The following NWD1 variants were observed in gnomAD, a reference collection of about 807,000 sequenced individuals.
NWD1 encodes NACHT domain- and WD repeat-containing protein 1.
A neutral mutation model predicts 135.1 loss-of-function variants in NWD1; 129 were observed. That is an observed-to-expected ratio of 0.96 (90% confidence interval 0.83 to 1.11). NWD1 has a LOEUF of 1.11. Among genes scored for constraint, NWD1 ranks in the 50% least tolerant of loss-of-function variants. The pLI, the probability that NWD1 is intolerant of heterozygous loss-of-function variation, is 0.00. For synonymous variants in NWD1, 773 were observed against 786.0 expected (o/e 0.98, Z 0.28); for missense variants, 1,740 against 1,851.3 (o/e 0.94, Z 1.10).
rs149612847 is a variant in NWD1 at position 16,728,220 on chromosome 19, G to A, written c.-6-2972G>A. Among the ~76,000 whole-genome samples the A allele has an allele frequency of 3.9e-3, 587 of 151,590 alleles. 7 individuals carry two copies. Among genetic ancestry groups the A allele is most frequent in the African/African-American group, 9.8e-3 (406 of 41,362 alleles). On this transcript the variant is annotated intron_variant, in intron 2 of 18. Coordinates refer to ENST00000524140, the MANE Select transcript of NWD1 (RefSeq NM_001007525.5). Reference sequence around the variant, plus strand: ...CGGAAATTGGCAGAAAATACAAATCGGATTTAAAAAAATTTGTTTTGGAGA... The same window carrying A: ...CGGAAATTGGCAGAAAATACAAATCAGATTTAAAAAAATTTGTTTTGGAGA...
At chr19:16,726,853 T>C (rs574090465) in intron 2 of NWD1, among the ~76,000 whole-genome samples, 1 of 152,354 alleles carries the variant, frequency 6.6e-6, no homozygotes, top group East Asian at 1.9e-4. Flanking sequence ...TCCACCCACG[T>C]GATGCCAGTA....
chr19:16,782,536 A>G (rs1969892655), intron 12 of NWD1, among the ~76,000 whole-genome samples: 1 of 152,122 alleles, frequency 6.6e-6, no homozygotes, highest in South Asian at 2.1e-4. Flanking sequence ...AATTTCTATT[A>G]GAGATGACAT....
intron 17 of NWD1, among the ~76,000 whole-genome samples, chr19:16,805,524 G>T (rs954050946): frequency 1.3e-5 from 2 of 151,992 alleles, no homozygotes; most frequent in Admixed American, 1.3e-4. Context: ...AGAGGCAGGG[G>T]TCTCACTCTT....
chr19:16,735,866 G>A (rs149616726), intron 3 of NWD1, among the ~76,000 whole-genome samples: 78 of 28,606 alleles, frequency 2.7e-3, no homozygotes, highest in East Asian at 5.9e-3. Context: ...AGGAAGGAAG[G>A]AGGAAGGAAG....
chr19:16,781,831 G>A (rs548904238), intron 12 of NWD1, among the ~76,000 whole-genome samples: 1 of 152,112 alleles, frequency 6.6e-6, no homozygotes, highest in African/African-American at 2.4e-5. Flanking sequence ...AGTGGCTCAC[G>A]CTTGTAATCT....
chr19:16,735,664 A>T (rs1036077436), intron 3 of NWD1, among the ~76,000 whole-genome samples: 2 of 151,684 alleles, frequency 1.3e-5, no homozygotes. Flanking sequence ...CCTTATCTCT[A>T]CTAAAAATAC....
intron 3 of NWD1, among the ~76,000 whole-genome samples, chr19:16,734,930 T>G (rs760015785): frequency 2.6e-5 from 4 of 152,064 alleles, no homozygotes; most frequent in Non-Finnish European, 4.4e-5. Flanking sequence ...TTTTTATTTC[T>G]TAATTTTTAT....
At chr19:16,742,148 G>A (rs577286512) in intron 4 of NWD1, among the ~76,000 whole-genome samples, 1 of 152,058 alleles carries the variant, frequency 6.6e-6, no homozygotes, top group East Asian at 1.9e-4. Context: ...GCTGAAGCAG[G>A]CGGATCACCT....
Position 16,749,779 on chromosome 19 carries a change from C to T in NWD1, c.1137C>T (p.Ser379=), listed in dbSNP as rs369248613. The T allele has an allele frequency of 1.1e-4, 184 of 1,606,324 alleles. No individual in the cohort carries two copies. Among genetic ancestry groups the T allele is most frequent in the Non-Finnish European group, 1.5e-4 (175 of 1,175,880 alleles). ...VLRLLGTSQM[S]SDARGLLKSI... ...GGCTGCTGGGGACGTCACAAATGAG[C>T]TCAGATGCCCGTGGCCTGCTGAAGA... Residue 379 remains serine (S), a synonymous_variant, in exon 6 of 19, where the codon AGC becomes AGT. Coordinates refer to ENST00000524140, the MANE Select transcript of NWD1 (RefSeq NM_001007525.5).
chr19:16,727,022 T>C (rs920301325), intron 2 of NWD1, among the ~76,000 whole-genome samples: 1 of 148,356 alleles, frequency 6.7e-6, no homozygotes, highest in African/African-American at 2.5e-5. Flanking sequence ...AAGGGCAGAA[T>C]GGGGTGGGAC....
At chr19:16,734,063 C>A (rs1346104630) in intron 3 of NWD1, among the ~76,000 whole-genome samples, 1 of 152,148 alleles carries the variant, frequency 6.6e-6, no homozygotes, top group Non-Finnish European at 1.5e-5. Flanking sequence ...CTGAACTGAG[C>A]TGTTCTGCCC....
At chr19:16,767,736 T>A (rs779714233) in intron 10 of NWD1, among the ~76,000 whole-genome samples, 1 of 152,064 alleles carries the variant, frequency 6.6e-6, no homozygotes, top group Non-Finnish European at 1.5e-5. Flanking sequence ...GTGGGGATTA[T>A]GGGGATTACA....
Position 16,787,904 on chromosome 19 carries a change from AATCATCATCATC to A in NWD1, c.2732-1048_2732-1037del, listed in dbSNP as rs149004219. Among the ~76,000 whole-genome samples, 837 of 120,994 alleles carry A rather than the reference AATCATCATCATC, an allele frequency of 6.9e-3. 6 individuals are homozygous for A. Among genetic ancestry groups the A allele is most frequent in the African/African-American group, 0.019 (606 of 31,660 alleles). 79.4% of individuals were successfully genotyped at this position (120,994 alleles called of 152,430 possible). ...TAATAATAATAATAATAATAATAATAATCATCATCATCATCATCATCATCATCATCATCATCA... is the reference window on the plus strand; with the variant it reads ...TAATAATAATAATAATAATAATAATAATCATCATCATCATCATCATCATCA... On this transcript the variant is annotated intron_variant, in intron 12 of 18. Coordinates refer to ENST00000524140, the MANE Select transcript of NWD1 (RefSeq NM_001007525.5).
chr19:16,729,555 G>A (rs1045017706), intron 2 of NWD1, among the ~76,000 whole-genome samples: 4 of 148,144 alleles, frequency 2.7e-5, no homozygotes, highest in South Asian at 2.1e-4. Flanking sequence ...GCAACATGGC[G>A]AGGCCCCATC....
At chr19:16,782,411 A>G (rs1969887677) in intron 12 of NWD1, among the ~76,000 whole-genome samples, 1 of 151,680 alleles carries the variant, frequency 6.6e-6, no homozygotes, top group African/African-American at 2.4e-5. Flanking sequence ...GGCTGCAGTG[A>G]GCCATGTTTG....
chr19:16,749,045 A>T, intron 5 of NWD1, 94 bp from the exon 6 acceptor site: 1 of 935,946 alleles, frequency 1.1e-6, no homozygotes, highest in Non-Finnish European at 1.6e-6. Flanking sequence ...ACCAATGCAC[A>T]TCCCCCAACA....
At chr19:16,797,448 G>A (rs945711698) in intron 15 of NWD1, among the ~76,000 whole-genome samples, 5 of 150,068 alleles carry the variant, frequency 3.3e-5, no homozygotes, top group African/African-American at 7.4e-5. Context: ...CTCCTGCCTC[G>A]GCCTCCTGAG....
chr19:16,764,392 C>CATCA (rs1442252421), intron 9 of NWD1, among the ~76,000 whole-genome samples: 2 of 149,684 alleles, frequency 1.3e-5, no homozygotes, highest in Non-Finnish European at 3.0e-5. Flanking sequence ...TCCATCCATC[C>CATCA]ATCCATCCAT....
At chr19:16,810,719 C>T (rs77751543) in intron 18 of NWD1, among the ~76,000 whole-genome samples, 3,246 of 152,102 alleles carry the variant, frequency 0.021, 118 homozygotes, top group African/African-American at 0.074. Flanking sequence ...GCTATGATCT[C>T]GCCACTGCAC....
Sources: gnomAD v4.1 joint callset for allele counts (sites outside exome capture counted in the v4.1 genomes callset) on GRCh38, gnomAD v4.1.1 for gene constraint, MANE v1.5 for transcripts, NCBI Gene and HGNC (gene_info 2026-07-23, HGNC 2026-07-21) for gene names.